The following SLC6A12 variants were observed in gnomAD, a reference collection of about 807,000 sequenced individuals.
SLC6A12 encodes solute carrier family 6 member 12, also known as sodium- and chloride-dependent betaine transporter.
In SLC6A12, 50 loss-of-function variants were observed where a neutral mutation model predicts 73.3. The observed-to-expected ratio is 0.68, with a 90% CI of 0.54 to 0.86. SLC6A12 has a LOEUF of 0.86. Among genes scored for constraint, SLC6A12 ranks in the 40% least tolerant of loss-of-function variants. The probability of loss-of-function intolerance (pLI) is 0.00; values close to 1 mark genes in which losing one functional copy is unlikely to be tolerated. For missense variants in SLC6A12, 648 were observed against 772.8 expected, an observed-to-expected ratio of 0.84 and a Z score of 1.92; for synonymous variants, 304 against 309.2, an observed-to-expected ratio of 0.98 and a Z score of 0.18.
chr12:202,120 G>A (rs1378041542), intron 5 of SLC6A12, among the ~76,000 whole-genome samples: 1 of 152,122 alleles, frequency 6.6e-6, no homozygotes, highest in Non-Finnish European at 1.5e-5. Context: ...CCTCATGGGC[G>A]GCTGGTACGG....
At chr12:192,755 G>A (rs535598322) in intron 14 of SLC6A12, 107 bp from the exon 15 acceptor site, 60 of 1,021,580 alleles carry the variant, frequency 5.9e-5, no homozygotes, top group Admixed American at 1.0e-4. Context: ...ACTGCAGCAC[G>A]TCTGTAAGGT....
In SLC6A12 at chr12:200,704, C is replaced by A. The variant is rs147431370; in HGVS notation, c.658G>T (p.Ala220Ser). The A allele has an allele frequency of 6.2e-7, 1 of 1,614,154 alleles. No individual in the cohort carries two copies. The highest frequency in any genetic ancestry group is 8.5e-7 in the Non-Finnish European group (1 of 1,180,020). The change falls in exon 7 of 16, where the codon GCC becomes TCC. Residue 220 changes from alanine (A) to serine (S), a missense_variant. Physicochemically the swap from Ala to Ser is moderately conservative, Grantham distance 99 (BLOSUM62 1). Transcript: ENST00000684302. ...RWELALCLLLAWVICYFCIWK... is the reference protein window; with the variant it reads ...RWELALCLLLSWVICYFCIWK... ...ATGCAGAAATAGCAGATGACCCAGGCGAGCAGGAGGCACAGGGCCAGCTCC... is the reference window on the plus strand; with the variant it reads ...ATGCAGAAATAGCAGATGACCCAGGAGAGCAGGAGGCACAGGGCCAGCTCC...
Position 198,060 on chromosome 12 carries a change from G to A in SLC6A12, c.847-57C>T. 1.4e-6 allele frequency: 2 copies of A among 1,452,052 alleles called. No individual in the cohort carries two copies. Among genetic ancestry groups the A allele is most frequent in the Non-Finnish European group, 1.9e-6 (2 of 1,035,222 alleles). 89.9% of individuals were successfully genotyped at this position (1,452,052 alleles called of 1,614,324 possible). A position where few individuals can be genotyped will look rare whatever the true frequency, so the allele number is the denominator to read the frequency against. On this transcript the variant is annotated intron_variant, in intron 8 of 15. Coordinates refer to ENST00000684302, the MANE Select transcript of SLC6A12 (RefSeq NM_001122848.3). This position sits in a 1 kb window ranked among gnomAD's most constrained non-coding sequence, Gnocchi z 4.0. ...AGCCCCCAGGGCCCAGAGCCAGGGT[G>A]ACCCGAGATCCAGACCCGTCCCCTG...
At chr12:202,284 C>T (rs552324689) in intron 5 of SLC6A12, among the ~76,000 whole-genome samples, 124 of 152,266 alleles carry the variant, frequency 8.1e-4, no homozygotes, top group African/African-American at 2.9e-3. Context: ...ACTTCTCCCT[C>T]CCCTTGTTCT....
rs754164390 is a variant in SLC6A12 at position 195,332 on chromosome 12, G to A, written c.1327-5C>T. The A allele has an allele frequency of 1.3e-5, 21 of 1,591,238 alleles. No individual in the cohort carries two copies. Among genetic ancestry groups the A allele is most frequent in the Non-Finnish European group, 1.7e-5 (20 of 1,159,014 alleles). ...CTGGAAGATGTACATCCCGCCCTGT[G>A]GGGAGAGCGTGGAGCTGGGGCATGG... On this transcript the variant is annotated splice_region_variant and splice_polypyrimidine_tract_variant and intron_variant, in intron 12 of 15. Coordinates refer to ENST00000684302, the MANE Select transcript of SLC6A12 (RefSeq NM_001122848.3).
chr12:187,677 G>A (rs1053509537), downstream of SLC6A12, among the ~76,000 whole-genome samples: 11 of 144,128 alleles, frequency 7.6e-5, no homozygotes, highest in East Asian at 8.3e-4. Flanking sequence ...GACCCCAGCG[G>A]GTTACCACTA....
In SLC6A12 at chr12:193,330, G is replaced by A; in HGVS notation, c.1477C>T (p.Pro493Ser). 6.2e-7 allele frequency: 1 copy of A among 1,614,106 alleles called. No homozygotes were observed. The highest frequency in any genetic ancestry group is 8.5e-7 in the Non-Finnish European group (1 of 1,179,980). ...CAGGAGATCTTCACCAGGGGCCATG[G>A]CCGGTAGCCAATCATGTCCTCAATG... ...DNIEDMIGYR[P>S]WPLVKISWLF... The change falls in exon 14 of 16, where the codon CCA becomes TCA. Residue 493 changes from proline (P) to serine (S), a missense_variant. By Grantham distance (74) the Pro-to-Ser change is moderately conservative (BLOSUM62 -1). Coordinates refer to ENST00000684302, the MANE Select transcript of SLC6A12 (RefSeq NM_001122848.3).
At position 203,173 on chromosome 12, in the gene SLC6A12, C is replaced by T. The variant is rs539309871; in HGVS notation, c.350-293G>A. Reference sequence around the variant, plus strand: ...CCTCCACTTCCCGGGTTCAAGCGATCCTCCCACCTCAGCCTCCGGAGTAGC... The same window carrying T: ...CCTCCACTTCCCGGGTTCAAGCGATTCTCCCACCTCAGCCTCCGGAGTAGC... On this transcript the variant is annotated intron_variant, in intron 4 of 15. Transcript: ENST00000684302. The T allele has an allele frequency of 2.6e-3, 547 of 207,916 alleles. 2 individuals are homozygous for T. Among genetic ancestry groups the T allele is most frequent in the Non-Finnish European group, 3.9e-3 (422 of 107,052 alleles). 12.9% of individuals were successfully genotyped at this position (207,916 alleles called of 1,614,324 possible).
At position 196,785 on chromosome 12, in the gene SLC6A12, T is replaced by C. The variant is rs781214385; in HGVS notation, c.1173A>G (p.Leu391=). 1.9e-6 allele frequency: 3 copies of C among 1,612,668 alleles called. No homozygotes were observed. The highest frequency in any genetic ancestry group is 1.3e-5 in the African/African-American group (1 of 74,958). Residue 391 remains leucine (L), a synonymous_variant, in exon 11 of 16, where the codon CTA becomes CTG. Transcript: ENST00000684302. ...AGTGACGTACCTGGCTGTCCAGCCC[T>C]AGGAATATGAGCATGATAAAGAACA... is the stretch of plus-strand genomic sequence containing the variant. ...SCLFFIMLIF[L]GLDSQFVCVE...
rs367825245 is a variant in SLC6A12, at chr12:192,613, G to A, written c.1566C>T (p.Pro522=). Residue 522 remains proline (P), a synonymous_variant, in exon 15 of 16, where the codon CCC becomes CCT. Coordinates refer to ENST00000684302, the MANE Select transcript of SLC6A12 (RefSeq NM_001122848.3). Reference sequence around the variant, plus strand: ...ACACATAGACGTTGTTGTACTTGAGGGGGGTGTACTTGCTCAAGGAGAAGA... The same window carrying A: ...ACACATAGACGTTGTTGTACTTGAGAGGGGTGTACTTGCTCAAGGAGAAGA... ...TFLFSLSKYT[P]LKYNNVYVYP... is the part of the protein sequence containing the mutation. 3 of 1,614,136 alleles carry A rather than the reference G, an allele frequency of 1.9e-6. No homozygotes were observed. Among genetic ancestry groups the A allele is most frequent in the South Asian group, 1.1e-5 (1 of 91,080 alleles).
chr12:201,279 A>T, intron 6 of SLC6A12: 1 of 194,342 alleles, frequency 5.1e-6, no homozygotes, highest in Non-Finnish European at 1.1e-5. Context: ...GTGGGAATGC[A>T]GGTGGACGAG....
chr12:191,315 C>T, intron 15 of SLC6A12, 104 bp from the exon 16 acceptor site: 2 of 942,864 alleles, frequency 2.1e-6, no homozygotes. Flanking sequence ...AGCACATGGC[C>T]AGCACCGCAC....
Position 197,970 on chromosome 12 carries a change from A to C in SLC6A12, c.880T>G (p.Ser294Ala). Residue 294 changes from serine to alanine, a missense_variant, in exon 9 of 16, where the codon TCC becomes GCC. Coordinates refer to ENST00000684302, the MANE Select transcript of SLC6A12 (RefSeq NM_001122848.3). ...WMDAGTQIFF[S>A]FAICQGCLTA... The stretch of plus-strand genomic sequence containing the variant: ...AGGCACCCCTGGCAGATGGCAAAGG[A>C]GAAGAAGATCTGGGTGCCCGCATCC... The C allele has an allele frequency of 6.2e-7, 1 of 1,612,690 alleles. No homozygotes were observed. The highest frequency in any genetic ancestry group is 8.5e-7 in the Non-Finnish European group (1 of 1,179,752).
rs1015902076 is a variant in SLC6A12 at position 198,252 on chromosome 12, G to A, written c.847-249C>T. Among the ~76,000 whole-genome samples the A allele has an allele frequency of 1.3e-5, 2 of 152,204 alleles. No homozygotes were observed. The highest frequency in any genetic ancestry group is 4.8e-5 in the African/African-American group (2 of 41,444). ...GTACCAAATACATGTGTGTTGCTTG[G>A]ATTTCTCCAGGGGAATCTACAAACC... On this transcript the variant is annotated intron_variant, in intron 8 of 15. Coordinates refer to ENST00000684302, the MANE Select transcript of SLC6A12 (RefSeq NM_001122848.3). This position sits in a 1 kb window ranked among gnomAD's most constrained non-coding sequence, Gnocchi z 4.0.
chr12:202,619 A>T, intron 5 of SLC6A12, 121 bp downstream of exon 5: 2 of 1,000,542 alleles, frequency 2.0e-6, no homozygotes, highest in Non-Finnish European at 2.9e-6. Context: ...CCAGGAGCCC[A>T]CGTGGCTTGG....
rs543933403 is a variant in SLC6A12 at position 213,510 on chromosome 12, C to A, written c.-143+412G>T. 1 of 152,506 alleles carries A rather than the reference C, an allele frequency of 6.6e-6. No individual in the cohort carries two copies. 9.4% of individuals were successfully genotyped at this position (152,506 alleles called of 1,614,324 possible). On this transcript the variant is annotated intron_variant, in intron 1 of 15. Coordinates refer to ENST00000684302, the MANE Select transcript of SLC6A12 (RefSeq NM_001122848.3). The surrounding 1 kb of genome is among the most constrained non-coding windows in gnomAD (Gnocchi z 5.3). ...GCAGGCAGCGGGCAGGAACCCCTCACCTGTGATCATTTATTGCAGTTCCTG... is the reference window on the plus strand; with the variant it reads ...GCAGGCAGCGGGCAGGAACCCCTCAACTGTGATCATTTATTGCAGTTCCTG...
chr12:210,320 T>C, intron 2 of SLC6A12: 3 of 1,201,614 alleles, frequency 2.5e-6, no homozygotes, highest in Non-Finnish European at 3.1e-6. Flanking sequence ...CTTTTCATTT[T>C]CATGTCCCTT....
At chr12:185,001 G>C in the SLC6A12 span, among the ~76,000 whole-genome samples, 1 of 152,002 alleles carries the variant, frequency 6.6e-6, no homozygotes, top group African/African-American at 2.4e-5. Flanking sequence ...AAACCAGGAA[G>C]GAAGCAAGGA....
rs572444183 is a variant in SLC6A12 at position 196,284 on chromosome 12, G to A, written c.1189-23C>T. The A allele has an allele frequency of 1.9e-6, 3 of 1,603,026 alleles. No individual in the cohort carries two copies. In the South Asian group the frequency reaches 3.4e-5, roughly 18 times the overall value. ...AAACTGTGGGCCAGGAGGGGAACTG[G>A]ATGAGAGGGTGTGGGGCGGGCTGTT... On this transcript the variant is annotated intron_variant, in intron 11 of 15. Transcript: ENST00000684302.
Sources: allele counts gnomAD v4.1 joint callset (sites outside exome capture counted in the v4.1 genomes callset), GRCh38; gene constraint gnomAD v4.1.1; non-coding constraint Gnocchi (gnomAD v3.1); transcripts MANE v1.5; gene names NCBI Gene and HGNC (gene_info 2026-07-23, HGNC 2026-07-21).